Variants in ZFAND1 observed in about 807,000 individuals in gnomAD.
The protein encoded by ZFAND1 is zinc finger AN1-type containing 1.
A neutral mutation model predicts 38.5 loss-of-function variants in ZFAND1; 40 were observed. The ratio of observed to expected loss-of-function variants is 1.04; its 90% confidence interval spans 0.81 to 1.35. The LOEUF (loss-of-function observed/expected upper bound fraction) is 1.35, where lower values mean the gene tolerates loss of function less well. Among genes scored for constraint, ZFAND1 ranks in the 40% most tolerant of loss-of-function variants. The pLI is 0.00. For missense variants in ZFAND1, 346 were observed against 316.3 expected (o/e 1.09, Z -0.71); for synonymous variants, 117 against 103.6 (o/e 1.13, Z -0.78).
intron 6 of ZFAND1, among the ~76,000 whole-genome samples, chr8:81,706,142 A>G (rs1807972663): frequency 6.6e-6 from 1 of 152,114 alleles, no homozygotes. Context: ...ACCAAAAAAG[A>G]TAGATTACTC....
At chr8:81,719,851 T>G (rs1256283953) in intron 1 of ZFAND1, among the ~76,000 whole-genome samples, 1 of 152,196 alleles carries the variant, frequency 6.6e-6, no homozygotes, top group East Asian at 1.9e-4. Context: ...TGTATTGGAC[T>G]CACTAGCGAA....
At chr8:81,711,832 A>T (rs12679782) in intron 6 of ZFAND1, among the ~76,000 whole-genome samples, 135,121 of 152,184 alleles carry the variant, frequency 0.89, 60,032 homozygotes, top group South Asian at 0.95. Context: ...TAAAGCAAGA[A>T]GTAACACATT....
chr8:81,721,192 CGG>C (rs767452384), intron 1 of ZFAND1, 33 bp downstream of exon 1: 2 of 1,545,184 alleles, frequency 1.3e-6, no homozygotes, highest in South Asian at 2.4e-5. Flanking sequence ...TGGTCTCCCG[CGG>C]CCGGGGATGG....
rs371183729 is a variant in ZFAND1 at position 81,702,654 on chromosome 8, T to C, written c.*41A>G. The C allele has an allele frequency of 2.2e-6, 3 of 1,384,230 alleles. No homozygotes were observed. The highest frequency in any genetic ancestry group is 2.8e-6 in the Non-Finnish European group (3 of 1,055,278). The allele number at this position is 1,384,230 out of a possible 1,614,324, so 85.7% of individuals were successfully genotyped here. On this transcript the variant is annotated 3_prime_UTR_variant, in exon 8 of 8. Transcript: ENST00000220669. ...AAAATAAATGGACTTAAACATGTAA[T>C]AGAATTTTCCCTGTGATTTCTGACT...
intron 5 of ZFAND1, 119 bp downstream of exon 5, chr8:81,714,685 C>T (rs536322230): frequency 3.2e-4 from 266 of 819,496 alleles, no homozygotes; most frequent in Non-Finnish European, 4.5e-4. Context: ...CATCAAAATA[C>T]AAGTTAATAC....
At chr8:81,717,433 G>T in intron 2 of ZFAND1, 145 bp from the exon 3 acceptor site, 1 of 494,786 alleles carries the variant, frequency 2.0e-6, no homozygotes, top group Non-Finnish European at 3.3e-6. Context: ...AAACTGAAAT[G>T]TCAGATAAAG....
intron 6 of ZFAND1, among the ~76,000 whole-genome samples, chr8:81,704,272 C>A (rs1395049601): frequency 6.6e-6 from 1 of 152,178 alleles, no homozygotes; most frequent in Admixed American, 6.5e-5. Flanking sequence ...CATGATGGCT[C>A]ATGCCTATAA....
chr8:81,719,310 A>AAAACACACACACAC (rs547501232), intron 1 of ZFAND1, among the ~76,000 whole-genome samples: 1 of 124,858 alleles, frequency 8.0e-6, no homozygotes, highest in African/African-American at 3.2e-5. Context: ...CTCTACTGAA[A>AAAACACACACACAC]ACACACACAC....
At chr8:81,715,139 G>A (rs1400832181) in intron 3 of ZFAND1, 25 bp from the exon 4 acceptor site, 1 of 1,611,036 alleles carries the variant, frequency 6.2e-7, no homozygotes, top group African/African-American at 1.3e-5. Context: ...AGGAGGAAAT[G>A]TATTACATTT....
At chr8:81,705,376 A>G (rs951323590) in intron 6 of ZFAND1, among the ~76,000 whole-genome samples, 1 of 152,214 alleles carries the variant, frequency 6.6e-6, no homozygotes, top group Non-Finnish European at 1.5e-5. Flanking sequence ...AAGACATTTA[A>G]AAAAGGTAGT....
rs1360159084 is a variant in ZFAND1, at chr8:81,702,831, G to A, written c.671C>T (p.Ala224Val). 1 of 1,603,412 alleles carries A rather than the reference G, an allele frequency of 6.2e-7. No homozygotes were observed. The highest frequency in any genetic ancestry group is 1.1e-5 in the South Asian group (1 of 88,416). The change falls in exon 8 of 8, where the codon GCC becomes GTC. Residue 224 changes from alanine to valine, a missense_variant. Ala to Val is a moderately conservative substitution (Grantham distance 64, BLOSUM62 0). Coordinates refer to ENST00000220669, the MANE Select transcript of ZFAND1 (RefSeq NM_024699.3). ...LRLCHITSGE[A>V]LPLDHTLETW... ...TTCCAAAGTATGATCCAAGGGTAAG[G>A]CTTCTCCTGAAGTAATGTGACACAG...
At chr8:81,706,804 C>A (rs796445289) in intron 6 of ZFAND1, among the ~76,000 whole-genome samples, 1 of 151,968 alleles carries the variant, frequency 6.6e-6, no homozygotes, top group Non-Finnish European at 1.5e-5. Flanking sequence ...TATGAGTATA[C>A]AGAGCTGAAG....
chr8:81,715,788 C>T (rs2130430562), intron 3 of ZFAND1, among the ~76,000 whole-genome samples: 1 of 152,208 alleles, frequency 6.6e-6, no homozygotes, highest in Non-Finnish European at 1.5e-5. Flanking sequence ...ATAATAGTTA[C>T]ACCTTGTTGG....
intron 1 of ZFAND1, 43 bp downstream of exon 1, chr8:81,721,184 G>T: frequency 6.5e-7 from 1 of 1,544,002 alleles, no homozygotes; most frequent in Non-Finnish European, 8.7e-7. Flanking sequence ...CGGAGCCCTG[G>T]TCTCCCGCGG....
Position 81,715,062 on chromosome 8 carries a change from C to T in ZFAND1, c.191G>A (p.Cys64Tyr), listed in dbSNP as rs1448067710. 3 of 1,614,024 alleles carry T rather than the reference C, an allele frequency of 1.9e-6. No individual in the cohort carries two copies. The East Asian group carries it at 6.7e-5, about 36-fold the overall frequency. Residue 64 changes from cysteine (C) to tyrosine (Y), a missense_variant, in exon 4 of 8, where the codon TGC (cysteine) becomes TAC (tyrosine). By Grantham distance (194) the Cys-to-Tyr change is radical (BLOSUM62 -2). Coordinates refer to ENST00000220669, the MANE Select transcript of ZFAND1 (RefSeq NM_024699.3). ...LKTDQHTSYP[C>Y]SFKDCAEREL... ...TCTCTCAGCACAGTCTTTGAAAGAG[C>T]ATGGGTAAGATGTATGTTGATCTGT...
At position 81,721,287 on chromosome 8, in the gene ZFAND1, C is replaced by T. The variant is rs1554590952; in HGVS notation, c.-6G>A. The T allele has an allele frequency of 3.2e-6, 5 of 1,548,400 alleles. No homozygotes were observed. The highest frequency in any genetic ancestry group is 1.2e-5 in the South Asian group (1 of 84,048). On this transcript the variant is annotated 5_prime_UTR_variant, in exon 1 of 8. Coordinates refer to ENST00000220669, the MANE Select transcript of ZFAND1 (RefSeq NM_024699.3). ...CCGATGTCCAACTCCGCCATCTCTCCGGCGCCGTAAGGGGCGGGGCAAAGC... is the reference window on the plus strand; with the variant it reads ...CCGATGTCCAACTCCGCCATCTCTCTGGCGCCGTAAGGGGCGGGGCAAAGC...
chr8:81,713,793 C>T (rs1217909617), intron 6 of ZFAND1, 125 bp downstream of exon 6: 2 of 930,118 alleles, frequency 2.2e-6, no homozygotes, highest in African/African-American at 3.3e-5. Flanking sequence ...AGACATATAC[C>T]ATGCAACATT....
rs371896769 is a variant in ZFAND1 at position 81,703,085 on chromosome 8, T to C, written c.520A>G (p.Ser174Gly). 5.1e-6 allele frequency: 8 copies of C among 1,563,410 alleles called. No homozygotes were observed. In the African/African-American group the frequency reaches 9.5e-5, roughly 19 times the overall value. ...AACATTGGTTTGCTCTTCTCTTTGCTCCCTTTAGGTAAGAAAACCTGAAAG... is the reference window on the plus strand; with the variant it reads ...AACATTGGTTTGCTCTTCTCTTTGCCCCCTTTAGGTAAGAAAACCTGAAAG... ...IYFQVFLPKG[S>G]KEKSKPMFFC... The change falls in exon 7 of 8, where the codon AGC becomes GGC. Residue 174 changes from serine (S) to glycine (G), a missense_variant. Physicochemically the swap from Ser to Gly is moderately conservative, Grantham distance 56. Transcript: ENST00000220669.
At chr8:81,709,837 T>G (rs1393181465) in intron 6 of ZFAND1, among the ~76,000 whole-genome samples, 2 of 152,220 alleles carry the variant, frequency 1.3e-5, no homozygotes, top group South Asian at 4.1e-4. Flanking sequence ...TTACTAGCTA[T>G]GTTAATAGAA....
Sources: allele counts gnomAD v4.1 joint callset (sites outside exome capture counted in the v4.1 genomes callset), GRCh38; gene constraint gnomAD v4.1.1; transcripts MANE v1.5; gene names NCBI Gene and HGNC (gene_info 2026-07-23, HGNC 2026-07-21).